BET1: variants seen among roughly 807,000 people sequenced by gnomAD.
The protein encoded by BET1 is Bet1 golgi vesicular membrane trafficking protein.
In BET1, 9 loss-of-function variants were observed where a neutral mutation model predicts 13.9. That is an observed-to-expected ratio of 0.65 (90% CI 0.39 to 1.13). The LOEUF is 1.13. Ranked by LOEUF, BET1 falls within the 50% of genes most tolerant of loss-of-function variation. The pLI, the probability that BET1 is intolerant of heterozygous loss-of-function variation, is 0.01. For missense variants in BET1, 127 were observed against 133.6 expected (o/e 0.95, Z 0.24); for synonymous variants, 39 against 47.3 (o/e 0.82, Z 0.72).
intron 1 of BET1, among the ~76,000 whole-genome samples, chr7:94,002,697 T>A (rs1303681927): frequency 6.6e-6 from 1 of 152,176 alleles, no homozygotes; most frequent in Admixed American, 6.5e-5. Context: ...GGCCTACTGA[T>A]GAAATCCAAA....
chr7:94,000,504 T>C (rs188718995), intron 1 of BET1: 2 of 152,164 alleles, frequency 1.3e-5, no homozygotes, highest in Admixed American at 6.5e-5. Context: ...AGGAGAATGA[T>C]GGAGGAAAGG....
chr7:93,996,339 T>A lies in BET1; in HGVS notation c.145-18A>T. The A allele has an allele frequency of 6.6e-7, 1 of 1,504,022 alleles. No individual in the cohort carries two copies. Among genetic ancestry groups the A allele is most frequent in the African/African-American group, 1.4e-5 (1 of 70,294 alleles). 93.2% of individuals were successfully genotyped at this position (1,504,022 alleles called of 1,614,324 possible). A position where few individuals can be genotyped will look rare whatever the true frequency, so the allele number is the denominator to read the frequency against. ...ATGGAAAGCTATAAAGAAGAAGGTA[T>A]ACACAGGATTACTCACATAAAAGTA... On this transcript the variant is annotated intron_variant, in intron 2 of 3. Transcript: ENST00000222547.
chr7:93,985,359 T>C (rs1795506663), intron 4 of BET1, among the ~76,000 whole-genome samples: 1 of 152,210 alleles, frequency 6.6e-6, no homozygotes, highest in Admixed American at 6.5e-5. Context: ...CAGAATTTTA[T>C]GTGTAACATA....
chr7:93,992,991 T>C (rs1408306450), downstream of BET1: 1 of 984,916 alleles, frequency 1.0e-6, no homozygotes, highest in Non-Finnish European at 1.2e-6. Context: ...CCAGAAAAAA[T>C]AGAACCCAAA....
rs187711021 is a variant in BET1, at chr7:93,995,215, G to A, written c.202-830C>T. Among the ~76,000 whole-genome samples, 3 of 152,242 alleles carry A rather than the reference G, an allele frequency of 2.0e-5. No individual in the cohort carries two copies. In the East Asian group the frequency reaches 5.8e-4, roughly 29 times the overall value. ...TGAAGTAGAGTCTATTAAGTTAAGA[G>A]AATATCATATAGAGGTAGTAAAATG... On this transcript the variant is annotated intron_variant, in intron 3 of 3. Transcript: ENST00000222547.
chr7:93,963,158 T>G (rs1300480428), exon 7 of BET1: 1 of 152,072 alleles, frequency 6.6e-6, no homozygotes, highest in East Asian at 1.9e-4. Flanking sequence ...TGTATTTTTT[T>G]TTCTTTTAAG....
At chr7:93,983,201 A>G (rs2116072806) in intron 4 of BET1, among the ~76,000 whole-genome samples, 1 of 152,310 alleles carries the variant, frequency 6.6e-6, no homozygotes, top group South Asian at 2.1e-4. Context: ...CCTATCACTG[A>G]TAGAAAAAGG....
downstream of BET1, among the ~76,000 whole-genome samples, chr7:93,988,461 G>C (rs554818830): frequency 1.3e-5 from 2 of 152,076 alleles, no homozygotes; most frequent in Non-Finnish European, 2.9e-5. Context: ...AACCTCTCTA[G>C]GGAAGTACTA....
Position 93,999,387 on chromosome 7 carries a change from C to T in BET1, c.20-93G>A, listed in dbSNP as rs1795845629. On this transcript the variant is annotated intron_variant, in intron 1 of 3. Coordinates refer to ENST00000222547, the MANE Select transcript of BET1 (RefSeq NM_005868.6). ...GAACTGAAAAAGACCCCTGGAGGGC[C>T]TTGCAAACCACATATGTCTCTAATA... 4.8e-6 allele frequency: 7 copies of T among 1,464,288 alleles called. No homozygotes were observed. In the South Asian group the frequency reaches 8.5e-5, roughly 18 times the overall value. The allele number at this position is 1,464,288 out of a possible 1,614,324, so 90.7% of individuals were successfully genotyped here. A position where few individuals can be genotyped will look rare whatever the true frequency, so the allele number is the denominator to read the frequency against.
chr7:93,984,994 A>G (rs962256267), intron 4 of BET1, among the ~76,000 whole-genome samples: 1 of 152,182 alleles, frequency 6.6e-6, no homozygotes, highest in Non-Finnish European at 1.5e-5. Flanking sequence ...CAGAAGCTAT[A>G]AAGAATATAT....
chr7:93,992,411 A>G, downstream of BET1: 1 of 985,212 alleles, frequency 1.0e-6, no homozygotes. Context: ...GATATCCTCT[A>G]CTTCCATTGT....
exon 7 of BET1, chr7:93,963,541 A>G (rs1215225601): frequency 6.6e-6 from 1 of 152,126 alleles, no homozygotes; most frequent in African/African-American, 2.4e-5. Flanking sequence ...ATTGACTACT[A>G]TATCTGCAGA....
At chr7:93,988,857 T>C (rs1019244816), downstream of BET1, among the ~76,000 whole-genome samples, 44 of 151,082 alleles carry the variant, frequency 2.9e-4, no homozygotes, top group African/African-American at 1.1e-3. Flanking sequence ...ATTTCACTTA[T>C]ATTAAAACTT....
intron 5 of BET1, chr7:93,975,811 C>G: frequency 1.8e-6 from 1 of 566,546 alleles, no homozygotes; most frequent in South Asian, 4.1e-5. Flanking sequence ...ATGATGTTCT[C>G]TTTTAATATC....
chr7:93,996,290 G>T lies in BET1; in HGVS notation c.176C>A (p.Thr59Asn). Reference protein sequence around the residue: ...LSIEIGHEVKTQNKLLAEMDS... With the variant: ...LSIEIGHEVKNQNKLLAEMDS... ...CATTTCAGCTAATAATTTATTCTGGGTTTTAACTTCATGGCCTATTTCAAT... is the reference window on the plus strand; with the variant it reads ...CATTTCAGCTAATAATTTATTCTGGTTTTTAACTTCATGGCCTATTTCAAT... The change falls in exon 3 of 4, where the codon ACC becomes AAC. Residue 59 changes from threonine (T) to asparagine (N), a missense_variant. By Grantham distance (65) the Thr-to-Asn change is moderately conservative (BLOSUM62 0). Coordinates refer to ENST00000222547, the MANE Select transcript of BET1 (RefSeq NM_005868.6). The T allele has an allele frequency of 6.3e-7, 1 of 1,582,674 alleles. No homozygotes were observed. The highest frequency in any genetic ancestry group is 8.6e-7 in the Non-Finnish European group (1 of 1,162,510).
At chr7:93,999,357 G>T in intron 1 of BET1, 63 bp from the exon 2 acceptor site, 1 of 1,536,626 alleles carries the variant, frequency 6.5e-7, no homozygotes, top group Non-Finnish European at 8.7e-7. Context: ...CTGTTAGTTA[G>T]GAAAGAACTG....
At chr7:93,963,597 G>A (rs1012196205) in exon 7 of BET1, 2 of 152,008 alleles carry the variant, frequency 1.3e-5, no homozygotes, top group African/African-American at 4.8e-5. Context: ...ATAAATATTT[G>A]TTGAATGAAT....
chr7:93,997,230 C>A (rs1472610791), intron 2 of BET1, among the ~76,000 whole-genome samples: 1 of 152,130 alleles, frequency 6.6e-6, no homozygotes, highest in Admixed American at 6.5e-5. Flanking sequence ...TGTTCTTCAT[C>A]TGTGTGAAAG....
chr7:93,993,825 C>A lies in BET1; in HGVS notation c.*405G>T. ...AATTCAATTACCATTTTACCACAAA[C>A]TGGCTGACTACTTCAAGAGCTCAGA... On this transcript the variant is annotated 3_prime_UTR_variant, in exon 4 of 4. Transcript: ENST00000222547. The A allele has an allele frequency of 6.5e-7, 1 of 1,530,188 alleles. No homozygotes were observed. Among genetic ancestry groups the A allele is most frequent in the South Asian group, 1.2e-5 (1 of 82,594 alleles). The allele number at this position is 1,530,188 out of a possible 1,614,324, so 94.8% of individuals were successfully genotyped here. A position where few individuals can be genotyped will look rare whatever the true frequency, so the allele number is the denominator to read the frequency against.
Sources: gnomAD v4.1 joint callset for allele counts (sites outside exome capture counted in the v4.1 genomes callset) on GRCh38, gnomAD v4.1.1 for gene constraint, MANE v1.5 for transcripts, NCBI Gene and HGNC (gene_info 2026-07-23, HGNC 2026-07-21) for gene names.